Variants in ATP8B4 observed in about 807,000 individuals in gnomAD.
ATP8B4 encodes ATPase phospholipid transporting 8B4 (putative), also known as probable phospholipid-transporting ATPase IM.
In ATP8B4, 133 loss-of-function variants were observed where a neutral mutation model predicts 145.6. The ratio of observed to expected loss-of-function variants is 0.91; its 90% CI spans 0.79 to 1.05. ATP8B4 has a LOEUF of 1.05. Among genes scored for constraint, ATP8B4 ranks in the 50% least tolerant of loss-of-function variants. ATP8B4 has a pLI of 0.00. For synonymous variants in ATP8B4, 507 were observed against 492.9 expected (o/e 1.03, Z -0.38); for missense variants, 1,458 against 1,425.2 (o/e 1.02, Z -0.37).
intron 14 of ATP8B4, among the ~76,000 whole-genome samples, chr15:49,949,182 T>C (rs545698350): frequency 6.6e-6 from 1 of 152,226 alleles, no homozygotes; most frequent in Non-Finnish European, 1.5e-5. Context: ...AAATTTAACA[T>C]AGCTTTTTCT....
chr15:50,181,846 T>G (rs2044851428), intron 1 of ATP8B4, among the ~76,000 whole-genome samples: 1 of 152,240 alleles, frequency 6.6e-6, no homozygotes, highest in Non-Finnish European at 1.5e-5. Context: ...ATAATAGGAC[T>G]GTCTGACATT....
At chr15:50,171,289 T>A (rs1028815112) in intron 1 of ATP8B4, among the ~76,000 whole-genome samples, 1 of 152,198 alleles carries the variant, frequency 6.6e-6, no homozygotes, top group African/African-American at 2.4e-5. Context: ...TCCTCCAAGA[T>A]AGACCATGTG....
intron 3 of ATP8B4, among the ~76,000 whole-genome samples, chr15:50,050,836 A>G (rs1034551227): frequency 3.3e-5 from 5 of 152,184 alleles, no homozygotes; most frequent in African/African-American, 9.7e-5. Flanking sequence ...CACAAAGATA[A>G]CATGAGAAAT....
intron 7 of ATP8B4, among the ~76,000 whole-genome samples, chr15:50,008,425 G>A (rs561352757): frequency 6.6e-6 from 1 of 152,096 alleles, no homozygotes; most frequent in East Asian, 1.9e-4. Flanking sequence ...CCCATCATGG[G>A]AACCACCATA....
intron 1 of ATP8B4, among the ~76,000 whole-genome samples, chr15:50,114,043 A>T (rs1440537533): frequency 6.9e-6 from 1 of 144,920 alleles, no homozygotes; most frequent in African/African-American, 2.5e-5. Context: ...CAACATTTCA[A>T]AGCTTCTCTT....
At chr15:49,988,197 C>T (rs1213624268) in intron 9 of ATP8B4, among the ~76,000 whole-genome samples, 1 of 152,166 alleles carries the variant, frequency 6.6e-6, no homozygotes, top group African/African-American at 2.4e-5. Context: ...TTTCTAGTTT[C>T]TTTAATTCCA....
chr15:50,144,161 G>A (rs568925708), intron 1 of ATP8B4, among the ~76,000 whole-genome samples: 11 of 152,264 alleles, frequency 7.2e-5, no homozygotes, highest in African/African-American at 2.2e-4. Flanking sequence ...ATTTAGAGGA[G>A]GGAAGAATGG....
At chr15:50,026,032 T>A (rs2049982804) in intron 6 of ATP8B4, among the ~76,000 whole-genome samples, 1 of 152,222 alleles carries the variant, frequency 6.6e-6, no homozygotes, top group South Asian at 2.1e-4. Context: ...ATACAATTTA[T>A]CTCCACTGTT....
chr15:49,947,437 CA>C lies in ATP8B4; in HGVS notation c.1288-13256del, dbSNP rs35281379. Among the ~76,000 whole-genome samples the C allele has an allele frequency of 9.1e-3, 806 of 89,004 alleles. 5 individuals carry two copies. Among genetic ancestry groups the C allele is most frequent in the African/African-American group, 0.03 (684 of 22,766 alleles). 58.4% of individuals were successfully genotyped at this position (89,004 alleles called of 152,430 possible). ...CTGGCGACAGAGTGAGACTCTGTCT[CA>C]AAAAAAAAAAAAAAAAAGAAAACAT... On this transcript the variant is annotated intron_variant, in intron 14 of 27. Transcript: ENST00000284509.
At chr15:50,124,170 A>G (rs1410185345), upstream of ATP8B4, among the ~76,000 whole-genome samples, 1 of 152,198 alleles carries the variant, frequency 6.6e-6, no homozygotes, top group Admixed American at 6.5e-5. Context: ...ATAGTTTTCT[A>G]ACCTCTTGTA....
intron 23 of ATP8B4, among the ~76,000 whole-genome samples, chr15:49,882,357 A>T (rs1470268376): frequency 1.3e-5 from 2 of 152,194 alleles, no homozygotes; most frequent in Admixed American, 1.3e-4. Context: ...CTTCCTTCTG[A>T]TGAGTGAATG....
At chr15:49,897,971 T>C (rs951394469) in intron 22 of ATP8B4, 97 bp downstream of exon 22, 1 of 1,358,242 alleles carries the variant, frequency 7.4e-7, no homozygotes, top group Non-Finnish European at 1.0e-6. Context: ...ACTGGCAAAA[T>C]TAAATTTTAA....
rs2036778260 is a variant in ATP8B4 at position 49,891,416 on chromosome 15, C to T, written c.2697+5876G>A. ...TCTCAGCTCACTGCAACCTCCACCT[C>T]CCAGGTTCAAGCGATTCTCCTACCT... On this transcript the variant is annotated intron_variant, in intron 23 of 27. Coordinates refer to ENST00000284509, the MANE Select transcript of ATP8B4 (RefSeq NM_024837.4). 2.0e-5 allele frequency among the ~76,000 whole-genome samples: 3 copies of T among 152,202 alleles called. 1 individual carries two copies. In the South Asian group the frequency reaches 6.2e-4, roughly 32 times the overall value.
intron 1 of ATP8B4, among the ~76,000 whole-genome samples, chr15:50,170,792 C>T (rs908977828): frequency 1.3e-5 from 2 of 152,184 alleles, no homozygotes; most frequent in African/African-American, 4.8e-5. Context: ...TACCAATCAA[C>T]TATCTGCTGC....
At chr15:50,153,656 G>A (rs765192853) in intron 1 of ATP8B4, among the ~76,000 whole-genome samples, 1 of 152,106 alleles carries the variant, frequency 6.6e-6, no homozygotes, top group African/African-American at 2.4e-5. Context: ...CTTAAGGGGA[G>A]AAAGAGCTGA....
intron 20 of ATP8B4, among the ~76,000 whole-genome samples, chr15:49,916,377 A>G (rs893582217): frequency 1.3e-5 from 2 of 152,160 alleles, no homozygotes; most frequent in South Asian, 2.1e-4. Flanking sequence ...TAAACAGTAT[A>G]TATCTGGGTT....
chr15:50,084,703 C>T (rs990788578), intron 2 of ATP8B4, among the ~76,000 whole-genome samples: 6 of 152,172 alleles, frequency 3.9e-5, no homozygotes, highest in African/African-American at 1.4e-4. Context: ...GGGCTGAGTT[C>T]CTTCTAGAGA....
intron 1 of ATP8B4, among the ~76,000 whole-genome samples, chr15:50,153,543 T>G (rs2044373969): frequency 6.6e-6 from 1 of 152,110 alleles, no homozygotes; most frequent in South Asian, 2.1e-4. Context: ...TTCACCGTGT[T>G]AGCCAGGATA....
chr15:49,878,125 T>C (rs2034788549), intron 24 of ATP8B4, among the ~76,000 whole-genome samples: 1 of 152,236 alleles, frequency 6.6e-6, no homozygotes, highest in South Asian at 2.1e-4. Context: ...AGCCTTATTA[T>C]ATTTTTTTTG....
Sources: gnomAD v4.1 joint callset for allele counts (sites outside exome capture counted in the v4.1 genomes callset) on GRCh38, gnomAD v4.1.1 for gene constraint, MANE v1.5 for transcripts, NCBI Gene and HGNC (gene_info 2026-07-23, HGNC 2026-07-21) for gene names.